The following REELD1 variants were observed in gnomAD, a reference collection of about 807,000 sequenced individuals.
REELD1 encodes the protein reelin domain-containing protein 1.
In REELD1, 12 loss-of-function variants were observed where a neutral mutation model predicts 6.3. That is an observed-to-expected ratio of 1.89 (90% CI 1.21 to 3.07). The LOEUF (loss-of-function observed/expected upper bound fraction) is 3.07, where lower values mean the gene tolerates loss of function less well. REELD1 is among the 30% of genes most tolerant of loss of function. The pLI, the probability that REELD1 is intolerant of heterozygous loss-of-function variation, is 0.00. For missense variants in REELD1, 163 were observed against 86.8 expected (o/e 1.88, Z -3.49); for synonymous variants, 57 against 33.6 (o/e 1.70, Z -2.42).
At chr4:146,225,158 C>T (rs1730998456) in intron 5 of REELD1, among the ~76,000 whole-genome samples, 1 of 152,028 alleles carries the variant, frequency 6.6e-6, no homozygotes, top group Non-Finnish European at 1.5e-5. Flanking sequence ...GCTTTATATT[C>T]CATTAGTCCA....
rs964285530 is a variant in REELD1 at position 146,230,216 on chromosome 4, A to G, written c.1284A>G (p.Leu428=). 5.0e-6 allele frequency: 2 copies of G among 398,704 alleles called. No homozygotes were observed. The highest frequency in any genetic ancestry group is 4.1e-5 in the African/African-American group (2 of 48,652). 24.7% of individuals were successfully genotyped at this position (398,704 alleles called of 1,614,324 possible). A position where few individuals can be genotyped will look rare whatever the true frequency, so the allele number is the denominator to read the frequency against. ...RQTNPRPDIG[L]EGAQAPLGIQ... ...CCAACCCACGGCCTGACATTGGGCT[A>G]GAGGGAGCCCAGGCCCCTCTGGGTA... Residue 428 remains leucine (L), a synonymous_variant, in exon 8 of 8, where the codon CTA becomes CTG. Transcript: ENST00000623665.
chr4:146,222,348 T>C lies in REELD1; in HGVS notation c.209-9T>C, dbSNP rs1357500661. The stretch of plus-strand genomic sequence containing the variant: ...ACGTGTTCATGTTGAACGGGTGTTT[T>C]TGTTGCAGTGACAGTGAGAAGCAGT... On this transcript the variant is annotated splice_polypyrimidine_tract_variant and intron_variant, in intron 3 of 7. Coordinates refer to ENST00000623665, the MANE Select transcript of REELD1 (RefSeq NM_001354631.1). 1 of 398,506 alleles carries C rather than the reference T, an allele frequency of 2.5e-6. No individual in the cohort carries two copies. The highest frequency in any genetic ancestry group is 4.4e-6 in the Non-Finnish European group (1 of 226,082). 24.7% of individuals were successfully genotyped at this position (398,506 alleles called of 1,614,324 possible).
At chr4:146,216,406 G>C (rs1340106981) in intron 2 of REELD1, among the ~76,000 whole-genome samples, 5 of 152,214 alleles carry the variant, frequency 3.3e-5, no homozygotes, top group Admixed American at 3.3e-4. Context: ...AGCATTGCCA[G>C]CTTAACAGTC....
At chr4:146,225,178 G>A (rs1730998797) in intron 5 of REELD1, among the ~76,000 whole-genome samples, 1 of 151,994 alleles carries the variant, frequency 6.6e-6, no homozygotes, top group South Asian at 2.1e-4. Context: ...ATGAACTCCT[G>A]AAAAAAGAAA....
At chr4:146,220,149 T>C (rs10006650) in intron 3 of REELD1, among the ~76,000 whole-genome samples, 60,553 of 151,948 alleles carry the variant, frequency 0.4, 12,566 homozygotes, top group Middle Eastern at 0.5. Flanking sequence ...GGGGTTTCAC[T>C]GTGTTAGCCA....
chr4:146,227,296 C>T (rs1731042393), intron 5 of REELD1, among the ~76,000 whole-genome samples: 1 of 152,214 alleles, frequency 6.6e-6, no homozygotes. Context: ...TTATTCTTCA[C>T]CTCAACGTTT....
chr4:146,220,117 G>T (rs1200034495), intron 3 of REELD1, among the ~76,000 whole-genome samples: 1 of 151,852 alleles, frequency 6.6e-6, no homozygotes, highest in Non-Finnish European at 1.5e-5. Flanking sequence ...TAATTTTTTT[G>T]TTTTGTATTT....
At chr4:146,226,116 G>A (rs536291175) in intron 5 of REELD1, among the ~76,000 whole-genome samples, 11 of 152,178 alleles carry the variant, frequency 7.2e-5, no homozygotes, top group African/African-American at 1.9e-4. Flanking sequence ...CAAAGAATTC[G>A]TAGGCAAGTA....
rs1471476572 is a variant in REELD1 at position 146,227,510 on chromosome 4, T to C, written c.596-700T>C. ...GCTTCACGCTTCCACCTCAATGAGT[T>C]CATGTCAACCCCTCAGCAATCCTAT... On this transcript the variant is annotated intron_variant, in intron 5 of 7. Transcript: ENST00000623665. 2.0e-5 allele frequency among the ~76,000 whole-genome samples: 3 copies of C among 152,226 alleles called. No homozygotes were observed. The East Asian group carries it at 5.8e-4, about 29-fold the overall frequency.
At position 146,222,484 on chromosome 4, in the gene REELD1, G is replaced by A. The variant is rs1437733163; in HGVS notation, c.336G>A (p.Glu112=). 1 of 398,476 alleles carries A rather than the reference G, an allele frequency of 2.5e-6. No individual in the cohort carries two copies. Among genetic ancestry groups the A allele is most frequent in the African/African-American group, 2.1e-5 (1 of 48,612 alleles). The allele number at this position is 398,476 out of a possible 1,614,324, so 24.7% of individuals were successfully genotyped here. A position where few individuals can be genotyped will look rare whatever the true frequency, so the allele number is the denominator to read the frequency against. ...PHSKLMTCFQ[E]ADAVTHSDKS... ...CCAAACTGATGACTTGTTTTCAAGAGGCTGATGCAGTCACCCACTCTGACA... is the reference window on the plus strand; with the variant it reads ...CCAAACTGATGACTTGTTTTCAAGAAGCTGATGCAGTCACCCACTCTGACA... The change falls in exon 4 of 8, where the codon GAG becomes GAA. Residue 112 remains glutamate (E), a synonymous_variant. Coordinates refer to ENST00000623665, the MANE Select transcript of REELD1 (RefSeq NM_001354631.1).
intron 3 of REELD1, among the ~76,000 whole-genome samples, chr4:146,221,130 G>A (rs989286204): frequency 2.6e-5 from 4 of 152,170 alleles, no homozygotes; most frequent in Non-Finnish European, 1.5e-5. Context: ...TCACATTGTT[G>A]TACAACCATC....
At chr4:146,222,974 C>T (rs1730950558) in intron 4 of REELD1, among the ~76,000 whole-genome samples, 1 of 152,144 alleles carries the variant, frequency 6.6e-6, no homozygotes, top group Non-Finnish European at 1.5e-5. Flanking sequence ...GGAAAAGCTT[C>T]TTGAGGCTCT....
intron 5 of REELD1, among the ~76,000 whole-genome samples, chr4:146,227,927 C>A (rs993574109): frequency 6.6e-6 from 1 of 152,092 alleles, no homozygotes; most frequent in African/African-American, 2.4e-5. Context: ...ATGGTGGTCA[C>A]AGTGCTTTCT....
chr4:146,216,868 T>A (rs1237929473), intron 2 of REELD1, 74 bp from the exon 3 acceptor site: 6 of 397,654 alleles, frequency 1.5e-5, no homozygotes. Context: ...TTCAGGTTAG[T>A]CACATCCCGA....
In REELD1 at chr4:146,231,167, A is replaced by AT. The variant is rs534619106; in HGVS notation, c.*655dup. 1.4e-3 allele frequency among the ~76,000 whole-genome samples: 209 copies of AT among 152,340 alleles called. No homozygotes were observed. Among genetic ancestry groups the AT allele is most frequent in the African/African-American group, 4.9e-3 (205 of 41,582 alleles). The stretch of plus-strand genomic sequence containing the variant: ...TGATTGAACACATCTTCAGGAAAAC[A>AT]TATACATGCAACACAAGGCCGTAAA... On this transcript the variant is annotated 3_prime_UTR_variant, in exon 8 of 8. Coordinates refer to ENST00000623665, the MANE Select transcript of REELD1 (RefSeq NM_001354631.1).
chr4:146,229,669 T>C (rs552332064), intron 7 of REELD1, among the ~76,000 whole-genome samples: 1 of 152,350 alleles, frequency 6.6e-6, no homozygotes, highest in South Asian at 2.1e-4. Flanking sequence ...CTTATTCTTG[T>C]AACTGGCTTC....
intron 3 of REELD1, among the ~76,000 whole-genome samples, chr4:146,217,842 T>C (rs1410841893): frequency 6.6e-6 from 1 of 152,236 alleles, no homozygotes; most frequent in Non-Finnish European, 1.5e-5. Flanking sequence ...TGATGGATAT[T>C]TTAATTTGCT....
intron 6 of REELD1, 132 bp downstream of exon 6, chr4:146,228,654 G>A: frequency 1.7e-6 from 1 of 596,414 alleles, no homozygotes; most frequent in East Asian, 2.7e-5. Flanking sequence ...CCAGGATGTA[G>A]CAGGGCTACT....
chr4:146,217,970 C>T (rs1730855612), intron 3 of REELD1, among the ~76,000 whole-genome samples: 1 of 152,180 alleles, frequency 6.6e-6, no homozygotes, highest in Non-Finnish European at 1.5e-5. Context: ...AAAATCATTT[C>T]CTGTTCTTTT....
Sources: gnomAD v4.1 joint callset for allele counts (sites outside exome capture counted in the v4.1 genomes callset) on GRCh38, gnomAD v4.1.1 for gene constraint, MANE v1.5 for transcripts, NCBI Gene and HGNC (gene_info 2026-07-23, HGNC 2026-07-21) for gene names.